ARK2C: variants seen among roughly 807,000 people sequenced by gnomAD.
The protein encoded by ARK2C is arkadia (RNF111) C-terminal like ring finger ubiquitin ligase 2C, also known as E3 ubiquitin-protein ligase ARK2C.
chr18:46,454,646 G>T, the ARK2C span, among the ~76,000 whole-genome samples: 1 of 152,206 alleles, frequency 6.6e-6, no homozygotes, highest in Admixed American at 6.5e-5. Flanking sequence ...AGAGAAGGGA[G>T]ACTTGGCATC....
At chr18:46,444,944 C>G in the ARK2C span, among the ~76,000 whole-genome samples, 8 of 150,464 alleles carry the variant, frequency 5.3e-5, no homozygotes, top group African/African-American at 2.0e-4. Flanking sequence ...ATATTTTACT[C>G]TTCTCTGTTT....
At chr18:46,372,666 G>A in the ARK2C span, among the ~76,000 whole-genome samples, 1 of 152,306 alleles carries the variant, frequency 6.6e-6, no homozygotes, top group African/African-American at 2.4e-5. Flanking sequence ...GAATTGGGGG[G>A]CAGAGACGCA....
chr18:46,350,253 C>T, the ARK2C span, among the ~76,000 whole-genome samples: 4 of 152,208 alleles, frequency 2.6e-5, no homozygotes, highest in African/African-American at 9.6e-5. Flanking sequence ...TAGGAAAACA[C>T]CATGCGTATG....
At chr18:46,427,598 C>T in the ARK2C span, among the ~76,000 whole-genome samples, 1 of 152,250 alleles carries the variant, frequency 6.6e-6, no homozygotes, top group Non-Finnish European at 1.5e-5. Flanking sequence ...ATTCTCTTTC[C>T]CGTTCCGTTT....
chr18:46,365,215 G>A, the ARK2C span, among the ~76,000 whole-genome samples: 1 of 152,190 alleles, frequency 6.6e-6, no homozygotes, highest in Non-Finnish European at 1.5e-5. Context: ...GGATGGCAGG[G>A]AGTGGCCTAA....
chr18:46,372,871 G>A, the ARK2C span, among the ~76,000 whole-genome samples: 4 of 152,220 alleles, frequency 2.6e-5, no homozygotes, highest in Non-Finnish European at 5.9e-5. Context: ...GAAGCCTCCC[G>A]CGGCACAGGA....
the ARK2C span, among the ~76,000 whole-genome samples, chr18:46,350,773 A>G: frequency 6.6e-6 from 1 of 152,344 alleles, no homozygotes; most frequent in Non-Finnish European, 1.5e-5. Flanking sequence ...TGCTTTATAA[A>G]GTGTCCTAAC....
At chr18:46,451,598 C>A in the ARK2C span, among the ~76,000 whole-genome samples, 3 of 152,076 alleles carry the variant, frequency 2.0e-5, no homozygotes, top group Non-Finnish European at 2.9e-5. Context: ...AATTCAAGAC[C>A]AACCTGAGCA....
the ARK2C span, among the ~76,000 whole-genome samples, chr18:46,441,426 G>A: frequency 6.6e-6 from 1 of 152,136 alleles, no homozygotes; most frequent in Non-Finnish European, 1.5e-5. Context: ...TCATTTAATT[G>A]GATGTACTGG....
At chr18:46,442,162 C>CA in the ARK2C span, among the ~76,000 whole-genome samples, 99,354 of 139,170 alleles carry the variant, frequency 0.71, 35,798 homozygotes, top group African/African-American at 0.79. Flanking sequence ...AACTCCGTCT[C>CA]AAAAAAAAAA....
At chr18:46,413,229 GGGTACT>G in the ARK2C span, among the ~76,000 whole-genome samples, 1 of 152,134 alleles carries the variant, frequency 6.6e-6, no homozygotes, top group Non-Finnish European at 1.5e-5. Flanking sequence ...CCCGTTCCAA[GGGTACT>G]GATCCTCAAG....
At chr18:46,379,561 T>A in the ARK2C span, among the ~76,000 whole-genome samples, 1 of 152,270 alleles carries the variant, frequency 6.6e-6, no homozygotes, top group South Asian at 2.1e-4. Context: ...CATTTGTTTC[T>A]CTTGAGGCCT....
the ARK2C span, chr18:46,433,221 C>T: frequency 8.7e-6 from 14 of 1,601,850 alleles, no homozygotes; most frequent in South Asian, 1.1e-5. Context: ...AGCATCCTCA[C>T]GCTACCTCCT....
At chr18:46,422,546 C>T in the ARK2C span, among the ~76,000 whole-genome samples, 204 of 152,366 alleles carry the variant, frequency 1.3e-3, 1 homozygote, top group African/African-American at 4.5e-3. Flanking sequence ...GCAGCCCCAC[C>T]GGCTTGCTCC....
chr18:46,355,091 G>A, the ARK2C span, among the ~76,000 whole-genome samples: 5 of 151,914 alleles, frequency 3.3e-5, no homozygotes, highest in African/African-American at 7.3e-5. Flanking sequence ...CTAGGACTAC[G>A]GGAACATGCC....
chr18:46,336,533 A>G, the ARK2C span: 2 of 985,458 alleles, frequency 2.0e-6, no homozygotes, highest in East Asian at 1.1e-4. Flanking sequence ...ACCTTCCGAT[A>G]GAGGATACTA....
chr18:46,407,612 G>C, the ARK2C span, among the ~76,000 whole-genome samples: 436 of 152,286 alleles, frequency 2.9e-3, 4 homozygotes, highest in African/African-American at 0.01. Flanking sequence ...TTCTAATGCA[G>C]AGGGTATTTC....
chr18:46,389,901 G>C, the ARK2C span, among the ~76,000 whole-genome samples: 1 of 152,082 alleles, frequency 6.6e-6, no homozygotes, highest in Non-Finnish European at 1.5e-5. Context: ...GCTAAGTTTT[G>C]TATTTTTTGT....
the ARK2C span, among the ~76,000 whole-genome samples, chr18:46,415,895 G>A: frequency 6.6e-6 from 1 of 152,182 alleles, no homozygotes; most frequent in Non-Finnish European, 1.5e-5. Context: ...GACCTGGAGT[G>A]CCAGGTGGGA....
Sources: gnomAD v4.1 joint callset for allele counts (sites outside exome capture counted in the v4.1 genomes callset) on GRCh38, gnomAD v4.1.1 for gene constraint, MANE v1.5 for transcripts, NCBI Gene and HGNC (gene_info 2026-07-23, HGNC 2026-07-21) for gene names.